The following FHIP2B variants were observed in gnomAD, a reference collection of about 807,000 sequenced individuals.
The protein encoded by FHIP2B is FHF complex subunit HOOK interacting protein 2B, also known as FHF complex subunit HOOK-interacting protein 2B.
Under a neutral mutation model 84.0 loss-of-function variants are expected in FHIP2B, and 72 were observed. The observed-to-expected ratio is 0.86, with a 90% CI of 0.71 to 1.04. The LOEUF (loss-of-function observed/expected upper bound fraction) is 1.04. Among genes scored for constraint, FHIP2B ranks in the 50% least tolerant of loss-of-function variants. The pLI is 0.00. For missense variants in FHIP2B, 972 were observed against 968.9 expected, an observed-to-expected ratio of 1.00 and a Z score of -0.04; for synonymous variants, 497 against 418.7, an observed-to-expected ratio of 1.19 and a Z score of -2.28.
At chr8:22,090,413 G>T (rs1825426864) in intron 1 of FHIP2B, among the ~76,000 whole-genome samples, 1 of 152,186 alleles carries the variant, frequency 6.6e-6, no homozygotes, top group African/African-American at 2.4e-5. Flanking sequence ...CACCTTCCCA[G>T]CCCTGCTGTT....
rs1019712724 is a variant in FHIP2B, at chr8:22,103,048, CAAG to C, written c.*118_*120del. On this transcript the variant is annotated 3_prime_UTR_variant, in exon 17 of 17. Transcript: ENST00000289921. ...TGGGGCTTCTGCTCCCGGGCTCACT[CAAG>C]GAGACTGCGGCATGTTGACCACACC... 167 of 1,323,052 alleles carry C rather than the reference CAAG, an allele frequency of 1.3e-4. No homozygotes were observed. In the African/African-American group the frequency reaches 2.1e-3, roughly 17 times the overall value. The allele number at this position is 1,323,052 out of a possible 1,614,324, so 82.0% of individuals were successfully genotyped here.
intron 7 of FHIP2B, 38 bp from the exon 8 acceptor site, chr8:22,098,910 T>C: frequency 1.3e-6 from 2 of 1,518,742 alleles, no homozygotes; most frequent in South Asian, 2.4e-5. Context: ...TGAAGCTCCT[T>C]CTCCACTCTC....
chr8:22,096,431 G>C lies in FHIP2B; in HGVS notation c.219G>C (p.Ala73=). Residue 73 remains alanine (A), a synonymous_variant, in exon 3 of 17, where the codon GCG becomes GCC. Transcript: ENST00000289921. ...ATGAAGAGCAGCAGCAGGCGGCCGC[G>C]GGTGAGGCAGGGCCCTGCCTGGAGT... is the stretch of plus-strand genomic sequence containing the variant. ...LVYEEQQQAA[A]GEAGPCLEYL... is the part of the protein sequence containing the mutation. The C allele has an allele frequency of 6.4e-7, 1 of 1,555,824 alleles. No homozygotes were observed.
At chr8:22,089,540 C>A (rs1825354538) in intron 1 of FHIP2B, among the ~76,000 whole-genome samples, 1 of 152,070 alleles carries the variant, frequency 6.6e-6, no homozygotes, top group Non-Finnish European at 1.5e-5. Flanking sequence ...GCTCCCGCGT[C>A]GCTTCCTGTC....
At chr8:22,093,349 A>C (rs1367771144) in intron 1 of FHIP2B, among the ~76,000 whole-genome samples, 2 of 152,150 alleles carry the variant, frequency 1.3e-5, no homozygotes, top group East Asian at 3.8e-4. Flanking sequence ...GTTTTTGAGA[A>C]GTTTTCAGGG....
chr8:22,100,027 C>A, intron 10 of FHIP2B, 134 bp downstream of exon 10: 1 of 873,662 alleles, frequency 1.1e-6, no homozygotes, highest in Non-Finnish European at 1.7e-6. Context: ...CACTGCCGAG[C>A]CACTTTTATC....
chr8:22,104,348 A>G lies in FHIP2B; in HGVS notation c.*1417A>G, dbSNP rs1041380356. On this transcript the variant is annotated 3_prime_UTR_variant, in exon 17 of 17. Transcript: ENST00000289921. ...GGCATTTGCACGGTGTCTTCCCCGG[A>G]CAGCACAGCAATAAATGGTGTGATT... The G allele has an allele frequency of 6.6e-6, 1 of 152,460 alleles. No homozygotes were observed. The highest frequency in any genetic ancestry group is 1.5e-5 in the Non-Finnish European group (1 of 68,026). The allele number at this position is 152,460 out of a possible 1,614,324, so 9.4% of individuals were successfully genotyped here.
In FHIP2B at chr8:22,089,237, G is replaced by A. The variant is rs1825327189; in HGVS notation, c.-17G>A. 1 of 1,056,738 alleles carries A rather than the reference G, an allele frequency of 9.5e-7. No individual in the cohort carries two copies. The allele number at this position is 1,056,738 out of a possible 1,614,324, so 65.5% of individuals were successfully genotyped here. A position where few individuals can be genotyped will look rare whatever the true frequency, so the allele number is the denominator to read the frequency against. On this transcript the variant is annotated 5_prime_UTR_variant, in exon 1 of 17. Coordinates refer to ENST00000289921, the MANE Select transcript of FHIP2B (RefSeq NM_022749.7). The stretch of plus-strand genomic sequence containing the variant: ...CCGCCGCCGCTTTCGCCCGGGAGCC[G>A]GGGGCCGGGCGCCATCATGCTGAGC...
rs757832979 is a variant in FHIP2B, at chr8:22,098,601, T to C, written c.947T>C (p.Leu316Ser). ...VFLDPADIATLEGISWRLPSA... is the reference protein window; with the variant it reads ...VFLDPADIATSEGISWRLPSA... The stretch of plus-strand genomic sequence containing the variant: ...CTGGACCCCGCAGACATTGCCACCT[T>C]AGAGGGCATCAGCTGGAGGTGGGTG... Residue 316 changes from leucine to serine, a missense_variant, in exon 7 of 17, where the codon TTA becomes TCA. Coordinates refer to ENST00000289921, the MANE Select transcript of FHIP2B (RefSeq NM_022749.7). The C allele has an allele frequency of 6.3e-7, 1 of 1,579,444 alleles. No homozygotes were observed. Among genetic ancestry groups the C allele is most frequent in the Admixed American group, 1.8e-5 (1 of 55,800 alleles).
rs1479632584 is a variant in FHIP2B, at chr8:22,097,814, C to T, written c.500C>T (p.Pro167Leu). The change falls in exon 5 of 17, where the codon CCA (proline) becomes CTA (leucine). Residue 167 changes from proline to leucine, a missense_variant. By Grantham distance (98) the Pro-to-Leu change is moderately conservative. Coordinates refer to ENST00000289921, the MANE Select transcript of FHIP2B (RefSeq NM_022749.7). ...TVLCSKIQQDPELLAYILEGK... is the reference protein window; with the variant it reads ...TVLCSKIQQDLELLAYILEGK... ...CTCTGCTCCAAGATCCAGCAGGACC[C>T]AGAGCTGCTCGCCTACATCCTGGAA... 1 of 1,613,456 alleles carries T rather than the reference C, an allele frequency of 6.2e-7. No individual in the cohort carries two copies. Among genetic ancestry groups the T allele is most frequent in the South Asian group, 1.1e-5 (1 of 91,084 alleles).
At position 22,089,316 on chromosome 8, in the gene FHIP2B, G is replaced by A. The variant is rs983542547; in HGVS notation, c.45+18G>A. On this transcript the variant is annotated intron_variant, in intron 1 of 16. Coordinates refer to ENST00000289921, the MANE Select transcript of FHIP2B (RefSeq NM_022749.7). The stretch of plus-strand genomic sequence containing the variant: ...TGGGGGCGGTGAGGCCGGCAGGGCC[G>A]GGCCGGGCCGCCGGGAGTCGCGGGC... The A allele has an allele frequency of 3.0e-4, 307 of 1,009,562 alleles. No individual in the cohort carries two copies. The highest frequency in any genetic ancestry group is 3.4e-4 in the Non-Finnish European group (288 of 847,272). 62.5% of individuals were successfully genotyped at this position (1,009,562 alleles called of 1,614,324 possible).
chr8:22,090,399 C>T (rs1001948777), intron 1 of FHIP2B, among the ~76,000 whole-genome samples: 3 of 152,188 alleles, frequency 2.0e-5, no homozygotes, highest in African/African-American at 7.2e-5. Context: ...ACTATGACTT[C>T]CTCCACCTTC....
At position 22,103,098 on chromosome 8, in the gene FHIP2B, G is replaced by A. The variant is rs1826218493; in HGVS notation, c.*167G>A. On this transcript the variant is annotated 3_prime_UTR_variant, in exon 17 of 17. Transcript: ENST00000289921. ...CACCAGACTGGGTTTCAGGGAATGG[G>A]CATGCCAGGTGCCAAGGAGCCAAAC... 1 of 926,932 alleles carries A rather than the reference G, an allele frequency of 1.1e-6. No homozygotes were observed. The highest frequency in any genetic ancestry group is 1.6e-6 in the Non-Finnish European group (1 of 635,528). 57.4% of individuals were successfully genotyped at this position (926,932 alleles called of 1,614,324 possible).
intron 1 of FHIP2B, among the ~76,000 whole-genome samples, chr8:22,091,065 C>A (rs183430857): frequency 9.5e-4 from 145 of 152,112 alleles, no homozygotes; most frequent in African/African-American, 3.4e-3. Flanking sequence ...GTGTGGTTGG[C>A]CCTACAGGGA....
intron 1 of FHIP2B, among the ~76,000 whole-genome samples, chr8:22,093,330 G>C (rs1252114027): frequency 2.0e-5 from 3 of 152,176 alleles, no homozygotes; most frequent in Non-Finnish European, 2.9e-5. Flanking sequence ...TGTTGTTGTT[G>C]TTGTTGTTGT....
At chr8:22,095,940 G>A (rs1337727421) in intron 2 of FHIP2B, 2 of 158,780 alleles carry the variant, frequency 1.3e-5, no homozygotes, top group African/African-American at 2.4e-5. Context: ...GGCAGCTGCT[G>A]GAATTACAGC....
chr8:22,096,298 T>C, intron 2 of FHIP2B, 39 bp from the exon 3 acceptor site: 1 of 1,496,262 alleles, frequency 6.7e-7, no homozygotes, highest in Non-Finnish European at 9.0e-7. Context: ...GGGGTGCCCC[T>C]CTTTACCCTA....
At position 22,098,256 on chromosome 8, in the gene FHIP2B, T is replaced by A. The variant is rs1335183445; in HGVS notation, c.714T>A (p.Gly238=). ...CTGCTGAGACCGAGGAGCTGGACGG[T>A]GGGACCACAGAGAGCAACCTGATTA... ...HMPAETEELD[G]GTTESNLITS... Residue 238 remains glycine, a synonymous_variant, in exon 6 of 17, where the codon GGT becomes GGA. Transcript: ENST00000289921. The A allele has an allele frequency of 6.3e-7, 1 of 1,577,272 alleles. No individual in the cohort carries two copies. Among genetic ancestry groups the A allele is most frequent in the East Asian group, 2.3e-5 (1 of 43,292 alleles).
At position 22,101,703 on chromosome 8, in the gene FHIP2B, C is replaced by T; in HGVS notation, c.1708-5C>T. 1 of 1,606,840 alleles carries T rather than the reference C, an allele frequency of 6.2e-7. No homozygotes were observed. The highest frequency in any genetic ancestry group is 8.5e-7 in the Non-Finnish European group (1 of 1,175,626). ...CCACTGCCTCTACTTTCCCGCCTGT[C>T]TCAGTTCCAGGAGTGCAGCTCCCGC... On this transcript the variant is annotated splice_polypyrimidine_tract_variant and splice_region_variant and intron_variant, in intron 13 of 16. Transcript: ENST00000289921.
Sources: gnomAD v4.1 joint callset for allele counts (sites outside exome capture counted in the v4.1 genomes callset) on GRCh38, gnomAD v4.1.1 for gene constraint, MANE v1.5 for transcripts, NCBI Gene and HGNC (gene_info 2026-07-23, HGNC 2026-07-21) for gene names.